The following CSMD1 variants were observed in gnomAD, a reference collection of about 807,000 sequenced individuals.
CSMD1 encodes the protein CUB and sushi domain-containing protein 1.
CSMD1 carries 213 observed loss-of-function variants against 417.5 expected under a neutral mutation model. That is an observed-to-expected ratio of 0.51 (90% confidence interval 0.46 to 0.57). The LOEUF (loss-of-function observed/expected upper bound fraction) is 0.57, where lower values mean the gene tolerates loss of function less well. Ranked by LOEUF, CSMD1 falls within the 20% of genes least tolerant of loss-of-function variation. CSMD1 has a pLI of 0.00. For missense variants in CSMD1, 6,923 were observed against 4,529.7 expected, an observed-to-expected ratio of 1.53 and a Z score of -15.17; for synonymous variants, 2,862 against 1,736.8, an observed-to-expected ratio of 1.65 and a Z score of -16.11.
intron 2 of CSMD1, among the ~76,000 whole-genome samples, chr8:4,547,791 G>C (rs1449530695): frequency 2.0e-5 from 3 of 152,174 alleles, no homozygotes; most frequent in Non-Finnish European, 4.4e-5. Context: ...TAATGTTCAA[G>C]AAAATAGAGT....
Position 4,784,021 on chromosome 8 carries a change from TA to T in CSMD1, c.86-146464del, listed in dbSNP as rs1185684962. On this transcript the variant is annotated intron_variant, in intron 1 of 69. Transcript: ENST00000635120. ...CAGTACGATTAGTGAAAATTATGGA[TA>T]AAAAAAGTGTATTTGATAATTTGTA... Among the ~76,000 whole-genome samples the T allele has an allele frequency of 2.6e-5, 4 of 152,270 alleles. No homozygotes were observed. In the East Asian group the frequency reaches 7.7e-4, roughly 29 times the overall value.
At chr8:3,269,708 A>C (rs1402825422) in intron 26 of CSMD1, among the ~76,000 whole-genome samples, 1 of 152,120 alleles carries the variant, frequency 6.6e-6, no homozygotes, top group Non-Finnish European at 1.5e-5. Flanking sequence ...TGTGTGCTGA[A>C]CTCCATTTTC....
chr8:4,366,238 T>C (rs1472211560), intron 3 of CSMD1, among the ~76,000 whole-genome samples: 2 of 141,628 alleles, frequency 1.4e-5, no homozygotes, highest in Non-Finnish European at 3.0e-5. Flanking sequence ...TCCATGTAGC[T>C]GCAAAAGACG....
intron 30 of CSMD1, among the ~76,000 whole-genome samples, chr8:3,208,876 A>C (rs1797446476): frequency 6.6e-6 from 1 of 152,174 alleles, no homozygotes; most frequent in Non-Finnish European, 1.5e-5. Flanking sequence ...TGGGACTCGG[A>C]ATGGCTCTTC....
intron 7 of CSMD1, among the ~76,000 whole-genome samples, chr8:3,675,201 G>A (rs975785444): frequency 5.3e-5 from 8 of 152,122 alleles, no homozygotes; most frequent in African/African-American, 9.7e-5. Context: ...CCTCACAGAA[G>A]GCCTGACCAC....
chr8:4,453,853 A>T (rs1199332520), intron 2 of CSMD1, among the ~76,000 whole-genome samples: 1 of 107,104 alleles, frequency 9.3e-6, no homozygotes, highest in Non-Finnish European at 1.7e-5. Flanking sequence ...ACAGAGTCTC[A>T]CTCTGTCACC....
chr8:3,761,964 G>A (rs930466305), intron 5 of CSMD1, among the ~76,000 whole-genome samples: 1 of 152,026 alleles, frequency 6.6e-6, no homozygotes, highest in African/African-American at 2.4e-5. Context: ...CACACCAGTG[G>A]CCATAAGCAT....
At chr8:3,433,938 G>C (rs995469531) in intron 12 of CSMD1, among the ~76,000 whole-genome samples, 1 of 152,150 alleles carries the variant, frequency 6.6e-6, no homozygotes, top group African/African-American at 2.4e-5. Flanking sequence ...CAAAATCTCA[G>C]ATGGCTCCCA....
chr8:4,718,320 T>C (rs201805421), intron 1 of CSMD1, among the ~76,000 whole-genome samples: 1 of 152,172 alleles, frequency 6.6e-6, no homozygotes, highest in Non-Finnish European at 1.5e-5. Context: ...TAACGATTTC[T>C]TATATTAACA....
At chr8:4,310,425 C>G (rs1412945066) in intron 3 of CSMD1, among the ~76,000 whole-genome samples, 1 of 152,176 alleles carries the variant, frequency 6.6e-6, no homozygotes, top group South Asian at 2.1e-4. Flanking sequence ...TGGTATTCAA[C>G]AAAGATAAAT....
At chr8:3,397,872 T>A (rs1811797582) in intron 16 of CSMD1, among the ~76,000 whole-genome samples, 1 of 152,156 alleles carries the variant, frequency 6.6e-6, no homozygotes, top group African/African-American at 2.4e-5. Flanking sequence ...GCTCAGAATT[T>A]GTGCGCACAA....
chr8:4,687,996 T>G, intron 1 of CSMD1, among the ~76,000 whole-genome samples: 1 of 152,214 alleles, frequency 6.6e-6, no homozygotes, highest in African/African-American at 2.4e-5. Flanking sequence ...TGATTCTATC[T>G]GGTGTGTATT....
At chr8:3,778,133 T>A (rs1162913185) in intron 5 of CSMD1, among the ~76,000 whole-genome samples, 1 of 152,198 alleles carries the variant, frequency 6.6e-6, no homozygotes, top group Non-Finnish European at 1.5e-5. Context: ...GAGACTCAGT[T>A]TGGAGTCAGT....
chr8:3,838,599 TAA>T (rs1802864498), intron 5 of CSMD1, among the ~76,000 whole-genome samples: 1 of 139,894 alleles, frequency 7.1e-6, no homozygotes, highest in Non-Finnish European at 1.5e-5. Context: ...CCTCTCTATA[TAA>T]ATATTTATAT....
chr8:3,810,163 G>T (rs915949078), intron 5 of CSMD1, among the ~76,000 whole-genome samples: 2 of 152,156 alleles, frequency 1.3e-5, no homozygotes, highest in Non-Finnish European at 2.9e-5. Context: ...ATAGTGCCAG[G>T]CATATAGCAG....
chr8:4,219,903 C>T (rs1386473562), intron 3 of CSMD1, among the ~76,000 whole-genome samples: 1 of 152,052 alleles, frequency 6.6e-6, no homozygotes, highest in Non-Finnish European at 1.5e-5. Flanking sequence ...AAACGATGTA[C>T]TTGTAATATG....
At chr8:3,556,706 G>C (rs543811600) in intron 10 of CSMD1, among the ~76,000 whole-genome samples, 2 of 152,014 alleles carry the variant, frequency 1.3e-5, no homozygotes, top group South Asian at 2.1e-4. Context: ...TAAATGAAAA[G>C]TATGACTTAA....
chr8:3,219,635 T>G (rs531090093), intron 28 of CSMD1, among the ~76,000 whole-genome samples, 193 bp from the exon 29 acceptor site: 1 of 152,288 alleles, frequency 6.6e-6, no homozygotes, highest in South Asian at 2.1e-4. Flanking sequence ...ACATCAATTG[T>G]GACAAATACT....
chr8:4,554,569 G>T (rs984341549), intron 2 of CSMD1, among the ~76,000 whole-genome samples: 1 of 152,172 alleles, frequency 6.6e-6, no homozygotes, highest in African/African-American at 2.4e-5. Context: ...AGTTAAGAGC[G>T]AAGCTGTATA....
Sources: allele counts gnomAD v4.1 joint callset (sites outside exome capture counted in the v4.1 genomes callset), GRCh38; gene constraint gnomAD v4.1.1; transcripts MANE v1.5; gene names NCBI Gene and HGNC (gene_info 2026-07-23, HGNC 2026-07-21).